Variants in SPNS2 observed in about 807,000 individuals in gnomAD.
SPNS2 encodes the protein sphingosine-1-phosphate transporter SPNS2.
A neutral mutation model predicts 57.6 loss-of-function variants in SPNS2; 37 were observed. The ratio of observed to expected loss-of-function variants is 0.64; its 90% CI spans 0.49 to 0.85. The LOEUF (loss-of-function observed/expected upper bound fraction) is 0.85, where lower values mean the gene tolerates loss of function less well. Ranked by LOEUF, SPNS2 falls within the 40% of genes least tolerant of loss-of-function variation. The pLI, the probability that SPNS2 is intolerant of heterozygous loss-of-function variation, is 0.00. For missense variants in SPNS2, 831 were observed against 779.1 expected, an observed-to-expected ratio of 1.07 and a Z score of -0.79; for synonymous variants, 440 against 346.9, an observed-to-expected ratio of 1.27 and a Z score of -2.98.
At chr17:4,519,735 T>C (rs1905092247) in intron 2 of SPNS2, among the ~76,000 whole-genome samples, 1 of 152,106 alleles carries the variant, frequency 6.6e-6, no homozygotes, top group South Asian at 2.1e-4. Context: ...TGCGGGGTGG[T>C]GGGCAGGGGA....
Position 4,531,119 on chromosome 17 carries a change from G to A in SPNS2, c.792G>A (p.Arg264=), listed in dbSNP as rs767195274. The change falls in exon 5 of 13, where the codon CGG becomes CGA. Residue 264 remains arginine, a splice_region_variant and synonymous_variant. Transcript: ENST00000329078. ...CCGGAGACTGGCACTGGGCATTGCGGGTAAGCCCTACGTCCCTTCCCATGA... is the reference window on the plus strand; with the variant it reads ...CCGGAGACTGGCACTGGGCATTGCGAGTAAGCCCTACGTCCCTTCCCATGA... ...QAAGDWHWAL[R]VSPVLGMITG... is the part of the protein sequence containing the mutation. 3.7e-6 allele frequency: 6 copies of A among 1,613,936 alleles called. No homozygotes were observed. The highest frequency in any genetic ancestry group is 2.2e-5 in the South Asian group (2 of 91,074).
intron 3 of SPNS2, 123 bp from the exon 4 acceptor site, chr17:4,530,509 C>G (rs533737434): frequency 8.3e-7 from 1 of 1,197,802 alleles, no homozygotes; most frequent in East Asian, 2.4e-5. Context: ...AGCCCACCAG[C>G]ACCCTCACCC....
At chr17:4,519,254 TCCCTCAAGCTCAGACTTG>T (rs1227393054) in intron 2 of SPNS2, among the ~76,000 whole-genome samples, 1 of 152,162 alleles carries the variant, frequency 6.6e-6, no homozygotes, top group Non-Finnish European at 1.5e-5. Flanking sequence ...GGCTCAGGGC[TCCCTCAAGCTCAGACTTG>T]CCCTTTCCTG....
rs748014315 is a variant in SPNS2 at position 4,536,434 on chromosome 17, G to GC, written c.1607+8_1607+9insC. ...CGCCAGGGCTGAGCAGCAGTGAGTG[G>GC]GGGGGAGGGGAGGCCCTGCTGCACC... On this transcript the variant is annotated intron_variant, in intron 11 of 12. Transcript: ENST00000329078. The GC allele has an allele frequency of 5.8e-5, 93 of 1,591,312 alleles. No homozygotes were observed. The highest frequency in any genetic ancestry group is 8.8e-5 in the South Asian group (8 of 90,542).
Position 4,536,243 on chromosome 17 carries a change from C to G in SPNS2, c.1444-20C>G, listed in dbSNP as rs1363770913. 6.2e-7 allele frequency: 1 copy of G among 1,609,860 alleles called. No homozygotes were observed. Among genetic ancestry groups the G allele is most frequent in the African/African-American group, 1.3e-5 (1 of 74,828 alleles). Reference sequence around the variant, plus strand: ...CTGCAGGAGGGCTCTGCCCTGACATCCACCCCCAAATCCTCGCAGATCTCA... The same window carrying G: ...CTGCAGGAGGGCTCTGCCCTGACATGCACCCCCAAATCCTCGCAGATCTCA... On this transcript the variant is annotated intron_variant, in intron 10 of 12. Transcript: ENST00000329078.
chr17:4,537,419 A>G (rs964412727), intron 12 of SPNS2, 34 bp from the exon 13 acceptor site: 7 of 430,796 alleles, frequency 1.6e-5, no homozygotes, highest in Non-Finnish European at 2.8e-5. Context: ...GGCCCCACTA[A>G]GCCCCACTGC....
At chr17:4,513,178 G>C in intron 1 of SPNS2, 69 bp from the exon 2 acceptor site, 3 of 1,552,472 alleles carry the variant, frequency 1.9e-6, no homozygotes, top group Admixed American at 1.7e-5. Context: ...GCGGGAAAGA[G>C]GCTGGGCTGG....
rs1904879136 is a variant in SPNS2, at chr17:4,512,869, T to A, written c.371-378T>A. Among the ~76,000 whole-genome samples the A allele has an allele frequency of 6.6e-6, 1 of 152,116 alleles. No individual in the cohort carries two copies. Among genetic ancestry groups the A allele is most frequent in the Non-Finnish European group, 1.5e-5 (1 of 68,006 alleles). On this transcript the variant is annotated intron_variant, in intron 1 of 12. Transcript: ENST00000329078. The surrounding 1 kb of genome is among the most constrained non-coding windows in gnomAD (Gnocchi z 5.2). ...TTCAGGGCCCCCGCTGCTCTCTGAG[T>A]CATGGGCTTTGTGTTCCCCCTGAGG...
chr17:4,502,185 G>A (rs1259324747), intron 1 of SPNS2, among the ~76,000 whole-genome samples: 2 of 147,430 alleles, frequency 1.4e-5, no homozygotes, highest in African/African-American at 5.0e-5. Context: ...AGACCAGCCT[G>A]GTCAACATGG....
intron 1 of SPNS2, among the ~76,000 whole-genome samples, chr17:4,502,852 G>T (rs1203241611): frequency 1.3e-5 from 2 of 152,074 alleles, no homozygotes; most frequent in African/African-American, 4.8e-5. Context: ...GGACACCTTT[G>T]CAAGCCCCTC....
At chr17:4,518,195 C>T (rs1905043624) in intron 2 of SPNS2, among the ~76,000 whole-genome samples, 1 of 151,988 alleles carries the variant, frequency 6.6e-6, no homozygotes, top group Non-Finnish European at 1.5e-5. Context: ...CAGTAGGGAG[C>T]CAGAGAAGGT....
chr17:4,509,644 C>A (rs1294903852), intron 1 of SPNS2, among the ~76,000 whole-genome samples: 1 of 152,212 alleles, frequency 6.6e-6, no homozygotes, highest in African/African-American at 2.4e-5. Context: ...CCCTGCCAGG[C>A]GAGAGAGACT....
rs780401968 is a variant in SPNS2 at position 4,533,756 on chromosome 17, C to G, written c.1279-32C>G. Reference sequence around the variant, plus strand: ...CTGTGGTTGCTGCGGATGGAGGGACCGCTGATGGTGGCTTTGCCTTCTCCC... The same window carrying G: ...CTGTGGTTGCTGCGGATGGAGGGACGGCTGATGGTGGCTTTGCCTTCTCCC... On this transcript the variant is annotated intron_variant, in intron 8 of 12. Transcript: ENST00000329078. 4.3e-6 allele frequency: 7 copies of G among 1,612,436 alleles called. 1 individual carries two copies. In the African/African-American group the frequency reaches 9.3e-5, roughly 22 times the overall value.
At position 4,530,908 on chromosome 17, in the gene SPNS2, G is replaced by C. The variant is rs146364068; in HGVS notation, c.725+125G>C. 931 of 1,468,544 alleles carry C rather than the reference G, an allele frequency of 6.3e-4. 5 individuals carry two copies. In the East Asian group the frequency reaches 0.012, roughly 19 times the overall value. 91.0% of individuals were successfully genotyped at this position (1,468,544 alleles called of 1,614,324 possible). ...TCCTCAGAGAGCTAAACATGTGGGCGGTCAGCCTTTGAGAATCTCCTGGAC... is the reference window on the plus strand; with the variant it reads ...TCCTCAGAGAGCTAAACATGTGGGCCGTCAGCCTTTGAGAATCTCCTGGAC... On this transcript the variant is annotated intron_variant, in intron 4 of 12. Coordinates refer to ENST00000329078, the MANE Select transcript of SPNS2 (RefSeq NM_001124758.3).
rs540939346 is a variant in SPNS2 at position 4,536,385 on chromosome 17, T to C, written c.1566T>C (p.Thr522=). 10 of 1,606,978 alleles carry C rather than the reference T, an allele frequency of 6.2e-6. No homozygotes were observed. Among genetic ancestry groups the C allele is most frequent in the African/African-American group, 1.3e-5 (1 of 75,014 alleles). Residue 522 remains threonine, a synonymous_variant, in exon 11 of 13, where the codon ACT becomes ACC. Transcript: ENST00000329078. Reference sequence around the variant, plus strand: ...TGGGCGGCATGTTCTTCCTCGCCACTGCGCTCTTCTTCGTCAGCGACCGCG... The same window carrying C: ...TGGGCGGCATGTTCTTCCTCGCCACCGCGCTCTTCTTCGTCAGCGACCGCG... The part of the protein sequence containing the change: ...VVLGGMFFLA[T]ALFFVSDRAR...
At chr17:4,537,319 C>T (rs376045258) in intron 12 of SPNS2, 134 bp from the exon 13 acceptor site, 20 of 414,266 alleles carry the variant, frequency 4.8e-5, no homozygotes, top group African/African-American at 2.2e-4. Flanking sequence ...CCCAGCAGCA[C>T]GAGACCCAGG....
At chr17:4,516,602 C>G (rs199613505) in intron 2 of SPNS2, among the ~76,000 whole-genome samples, 1 of 152,042 alleles carries the variant, frequency 6.6e-6, no homozygotes, top group African/African-American at 2.4e-5. Context: ...GGCCGGTGGC[C>G]GCGGAGAACA....
chr17:4,504,479 C>T (rs1297435013), intron 1 of SPNS2, among the ~76,000 whole-genome samples: 1 of 152,212 alleles, frequency 6.6e-6, no homozygotes, highest in Non-Finnish European at 1.5e-5. Flanking sequence ...TGGGCCTGGC[C>T]TGTGCCTCTG....
At chr17:4,513,997 C>G (rs113515149) in intron 2 of SPNS2, among the ~76,000 whole-genome samples, 3,684 of 152,332 alleles carry the variant, frequency 0.024, 157 homozygotes, top group African/African-American at 0.084. Context: ...TGGCAGCCCA[C>G]CAGCCCCTCC....
Sources: gnomAD v4.1 joint callset for allele counts (sites outside exome capture counted in the v4.1 genomes callset) on GRCh38, gnomAD v4.1.1 for gene constraint, Gnocchi (gnomAD v3.1) non-coding constraint, MANE v1.5 for transcripts, NCBI Gene and HGNC (gene_info 2026-07-23, HGNC 2026-07-21) for gene names.